NXPH2: variants seen among roughly 807,000 people sequenced by gnomAD.
NXPH2 encodes neurexophilin-2.
In NXPH2, 5 loss-of-function variants were observed where a neutral mutation model predicts 19.8. The observed-to-expected ratio is 0.25, with a 90% CI of 0.13 to 0.53. The LOEUF is 0.53. Ranked by LOEUF, NXPH2 falls within the 20% of genes least tolerant of loss-of-function variation. The probability of loss-of-function intolerance (pLI) is 0.96; values close to 1 mark genes in which losing one functional copy is unlikely to be tolerated. For synonymous variants in NXPH2, 154 were observed against 127.4 expected, an observed-to-expected ratio of 1.21 and a Z score of -1.41; for missense variants, 289 against 322.8, an observed-to-expected ratio of 0.90 and a Z score of 0.80.
chr2:138,686,317 G>C (rs563634399), intron 1 of NXPH2, among the ~76,000 whole-genome samples: 1 of 152,106 alleles, frequency 6.6e-6, no homozygotes, highest in Non-Finnish European at 1.5e-5. Context: ...TCCTGGAAAA[G>C]GTTCAACAGG....
intron 1 of NXPH2, among the ~76,000 whole-genome samples, chr2:138,779,691 T>C (rs6742749): frequency 0.61 from 92,009 of 151,922 alleles, 28,358 homozygotes; most frequent in African/African-American, 0.69. Flanking sequence ...CTAAGTTTTC[T>C]CCCAGCAAGG....
chr2:138,779,174 T>C (rs1183122110), intron 1 of NXPH2, among the ~76,000 whole-genome samples: 2 of 152,314 alleles, frequency 1.3e-5, no homozygotes, highest in Non-Finnish European at 2.9e-5. Flanking sequence ...AAGTCTTAAG[T>C]ATGAGGACCA....
At chr2:138,700,594 G>T (rs1680905177) in intron 1 of NXPH2, among the ~76,000 whole-genome samples, 1 of 152,072 alleles carries the variant, frequency 6.6e-6, no homozygotes, top group South Asian at 2.1e-4. Context: ...TGATTGATGA[G>T]AATTTGTTAT....
In NXPH2 at chr2:138,699,665, C is replaced by T. The variant is rs140075602; in HGVS notation, c.52-28000G>A. On this transcript the variant is annotated intron_variant, in intron 1 of 1. Transcript: ENST00000272641. Reference sequence around the variant, plus strand: ...GGGCAGGCCTTGCTGGGCCAGGCTTCTGAGAAGGATGAATGCTAGCACAAG... The same window carrying T: ...GGGCAGGCCTTGCTGGGCCAGGCTTTTGAGAAGGATGAATGCTAGCACAAG... 3.3e-5 allele frequency among the ~76,000 whole-genome samples: 5 copies of T among 152,206 alleles called. No homozygotes were observed. In the East Asian group the frequency reaches 9.7e-4, roughly 29 times the overall value.
At chr2:138,719,532 A>T (rs1034482903) in intron 1 of NXPH2, among the ~76,000 whole-genome samples, 1 of 152,200 alleles carries the variant, frequency 6.6e-6, no homozygotes, top group Non-Finnish European at 1.5e-5. Flanking sequence ...AAAAAGTAAG[A>T]AAAGCAAGTA....
chr2:138,717,167 A>G (rs1306245522), intron 1 of NXPH2, among the ~76,000 whole-genome samples: 2 of 152,172 alleles, frequency 1.3e-5, no homozygotes, highest in Non-Finnish European at 2.9e-5. Context: ...TGATAAGGAA[A>G]AATATGCAGG....
chr2:138,727,293 G>A (rs754415302), intron 1 of NXPH2, among the ~76,000 whole-genome samples: 9 of 152,136 alleles, frequency 5.9e-5, no homozygotes, highest in South Asian at 4.1e-4. Context: ...TAAATATCAC[G>A]GAGCATGGTT....
In NXPH2 at chr2:138,671,643, A is replaced by T. The variant is rs773519304; in HGVS notation, c.74T>A (p.Val25Glu). Residue 25 changes from valine (V) to glutamate (E), a missense_variant, in exon 2 of 2, where the codon GTG becomes GAG. By Grantham distance (121) the Val-to-Glu change is moderately radical. Transcript: ENST00000272641. ...ATCCAGCCCCTCCGTGGCATGCACC[A>T]CTTCCTTACTGTCACAAAATAGCTG... ...LQLLFCDSKEVVHATEGLDWE... is the reference protein window; with the variant it reads ...LQLLFCDSKEEVHATEGLDWE... 3.8e-6 allele frequency: 6 copies of T among 1,570,658 alleles called. No individual in the cohort carries two copies. Among genetic ancestry groups the T allele is most frequent in the Non-Finnish European group, 5.2e-6 (6 of 1,160,372 alleles).
chr2:138,671,436 A>G lies in NXPH2; in HGVS notation c.281T>C (p.Leu94Ser). 2 of 1,613,996 alleles carry G rather than the reference A, an allele frequency of 1.2e-6. No homozygotes were observed. The highest frequency in any genetic ancestry group is 1.1e-5 in the South Asian group (1 of 91,086). ...TATTGGCCTCCGTTTAGTTCTTGCCAATGGCTCCTGAATCTCCGTGATGTT... is the reference window on the plus strand; with the variant it reads ...TATTGGCCTCCGTTTAGTTCTTGCCGATGGCTCCTGAATCTCCGTGATGTT... ...LANITEIQEP[L>S]ARTKRRPIVK... The change falls in exon 2 of 2, where the codon TTG becomes TCG. Residue 94 changes from leucine (L) to serine (S), a missense_variant. By Grantham distance (145) the Leu-to-Ser change is moderately radical. Coordinates refer to ENST00000272641, the MANE Select transcript of NXPH2 (RefSeq NM_007226.3).
At chr2:138,765,156 G>A (rs932204162) in intron 1 of NXPH2, among the ~76,000 whole-genome samples, 5 of 152,144 alleles carry the variant, frequency 3.3e-5, no homozygotes, top group Non-Finnish European at 7.3e-5. Context: ...TGTTATTTGT[G>A]TGCCTGCATG....
intron 1 of NXPH2, among the ~76,000 whole-genome samples, chr2:138,705,213 C>T (rs902053835): frequency 3.3e-5 from 5 of 152,128 alleles, no homozygotes; most frequent in Non-Finnish European, 7.3e-5. Flanking sequence ...ATCTTCCCAT[C>T]ATGGCCTCTC....
chr2:138,696,201 T>C (rs1181443094), intron 1 of NXPH2, among the ~76,000 whole-genome samples: 1 of 152,122 alleles, frequency 6.6e-6, no homozygotes, highest in Non-Finnish European at 1.5e-5. Flanking sequence ...AAAAGTATGA[T>C]ACCCTTGAAC....
chr2:138,731,179 T>G (rs1272707806), intron 1 of NXPH2, among the ~76,000 whole-genome samples: 1 of 152,190 alleles, frequency 6.6e-6, no homozygotes, highest in East Asian at 1.9e-4. Context: ...CCACTTTTCT[T>G]TTGTTCACCC....
At chr2:138,744,690 T>C (rs532730799) in intron 1 of NXPH2, among the ~76,000 whole-genome samples, 1 of 152,294 alleles carries the variant, frequency 6.6e-6, no homozygotes, top group Non-Finnish European at 1.5e-5. Flanking sequence ...TGCTTGAACA[T>C]GCTTCCCAGT....
intron 1 of NXPH2, among the ~76,000 whole-genome samples, chr2:138,707,112 A>AAAAAAAAAAAAAAAAAAAAAAATT (rs1253153546): frequency 6.7e-6 from 1 of 148,610 alleles, no homozygotes; most frequent in Non-Finnish European, 1.5e-5. Context: ...AAAAAAAAAA[A>AAAAAAAAAAAAAAAAAAAAAAATT]GAGCAAGAAG....
At chr2:138,741,315 G>GACACACACTTATTCATTCAGCCACTT (rs1229717862) in intron 1 of NXPH2, among the ~76,000 whole-genome samples, 3 of 152,186 alleles carry the variant, frequency 2.0e-5, no homozygotes, top group Admixed American at 2.0e-4. Flanking sequence ...ACTGGCCCAA[G>GACACACACTTATTCATTCAGCCACTT]AGACTCACAC....
chr2:138,719,320 T>G (rs1378264544), intron 1 of NXPH2, among the ~76,000 whole-genome samples: 3 of 152,134 alleles, frequency 2.0e-5, no homozygotes, highest in African/African-American at 4.8e-5. Flanking sequence ...TCTGTGTGCA[T>G]GTATATAAGT....
intron 1 of NXPH2, among the ~76,000 whole-genome samples, chr2:138,739,009 T>A (rs1321612510): frequency 6.6e-6 from 1 of 151,112 alleles, no homozygotes; most frequent in African/African-American, 2.4e-5. Context: ...AACAGAGTTA[T>A]TTTTTTTTGA....
At chr2:138,694,876 AGT>A (rs566102210) in intron 1 of NXPH2, among the ~76,000 whole-genome samples, 1 of 152,202 alleles carries the variant, frequency 6.6e-6, no homozygotes, top group Non-Finnish European at 1.5e-5. Flanking sequence ...GGCTATTGCA[AGT>A]GTTTGGAGCA....
Sources: gnomAD v4.1 joint callset for allele counts (sites outside exome capture counted in the v4.1 genomes callset) on GRCh38, gnomAD v4.1.1 for gene constraint, MANE v1.5 for transcripts, NCBI Gene and HGNC (gene_info 2026-07-23, HGNC 2026-07-21) for gene names.